Variants in CCL28 observed in about 807,000 individuals in gnomAD.
CCL28 encodes the protein C-C motif chemokine 28.
In CCL28, 4 loss-of-function variants were observed where a neutral mutation model predicts 7.1. The ratio of observed to expected loss-of-function variants is 0.56; its 90% CI spans 0.28 to 1.29. The LOEUF is 1.29. Ranked by LOEUF, CCL28 falls within the 50% of genes most tolerant of loss-of-function variation. The pLI, the probability that CCL28 is intolerant of heterozygous loss-of-function variation, is 0.11. For synonymous variants in CCL28, 55 were observed against 57.8 expected, an observed-to-expected ratio of 0.95 and a Z score of 0.22; for missense variants, 151 against 163.4, an observed-to-expected ratio of 0.92 and a Z score of 0.41.
At chr5:43,370,044 C>A in the CCL28 span, among the ~76,000 whole-genome samples, 2 of 152,182 alleles carry the variant, frequency 1.3e-5, no homozygotes, top group Non-Finnish European at 2.9e-5. Context: ...CTGTCATCCC[C>A]ACAAAGTGCT....
intron 1 of CCL28, among the ~76,000 whole-genome samples, chr5:43,399,262 A>C (rs1332867902): frequency 5.3e-5 from 8 of 152,156 alleles, no homozygotes; most frequent in Non-Finnish European, 2.9e-5. Flanking sequence ...AACACTTTTC[A>C]GATCTGTCTC....
At chr5:43,386,049 A>ACAAGCTT (rs964131276) in intron 2 of CCL28, among the ~76,000 whole-genome samples, 2 of 152,146 alleles carry the variant, frequency 1.3e-5, no homozygotes, top group African/African-American at 4.8e-5. Flanking sequence ...TGGAGCCCTT[A>ACAAGCTT]CAAGCTTCAA....
At chr5:43,376,673 G>T (rs1408091712), downstream of CCL28, 1 of 152,242 alleles carries the variant, frequency 6.6e-6, no homozygotes, top group East Asian at 1.9e-4. Flanking sequence ...ATGATTACAT[G>T]GTGCTGAGTC....
chr5:43,366,922 T>C, the CCL28 span, among the ~76,000 whole-genome samples: 1 of 149,916 alleles, frequency 6.7e-6, no homozygotes, highest in African/African-American at 2.4e-5. Context: ...CAGTTCGAAC[T>C]TCCCAGTGGC....
At chr5:43,398,889 T>C (rs1015507314) in intron 1 of CCL28, among the ~76,000 whole-genome samples, 4 of 152,194 alleles carry the variant, frequency 2.6e-5, no homozygotes, top group African/African-American at 9.7e-5. Flanking sequence ...GCCTCTTGAA[T>C]GCGTCCTCCT....
chr5:43,371,580 T>C, the CCL28 span, among the ~76,000 whole-genome samples: 3 of 152,360 alleles, frequency 2.0e-5, no homozygotes, highest in Admixed American at 6.5e-5. Context: ...GGCCTCCTTC[T>C]AACAACATGT....
intron 1 of CCL28, among the ~76,000 whole-genome samples, chr5:43,393,162 C>A (rs1474469180): frequency 2.0e-5 from 3 of 152,048 alleles, no homozygotes; most frequent in Non-Finnish European, 4.4e-5. Context: ...CCACTTCCCC[C>A]TTTATTCCAT....
chr5:43,358,222 G>T, the CCL28 span, among the ~76,000 whole-genome samples: 1 of 152,154 alleles, frequency 6.6e-6, no homozygotes, highest in African/African-American at 2.4e-5. Context: ...AAATTTAGTT[G>T]AAATATCTTA....
At chr5:43,372,031 CTCT>C (rs1739794190), downstream of CCL28, among the ~76,000 whole-genome samples, 1 of 152,078 alleles carries the variant, frequency 6.6e-6, no homozygotes, top group Non-Finnish European at 1.5e-5. Context: ...AGGTGCCAGG[CTCT>C]TTTTTTAACA....
chr5:43,405,862 T>G (rs1411710052), intron 1 of CCL28, among the ~76,000 whole-genome samples: 2 of 152,088 alleles, frequency 1.3e-5, no homozygotes, highest in Admixed American at 6.6e-5. Context: ...GAGAATACTA[T>G]AAACACCTCT....
At chr5:43,405,397 C>CT (rs1237572099) in intron 1 of CCL28, among the ~76,000 whole-genome samples, 1 of 152,210 alleles carries the variant, frequency 6.6e-6, no homozygotes, top group Non-Finnish European at 1.5e-5. Flanking sequence ...TGAATGACTA[C>CT]TGGGTACATA....
At chr5:43,379,056 G>C (rs1333586057), downstream of CCL28, 3 of 152,134 alleles carry the variant, frequency 2.0e-5, no homozygotes, top group Admixed American at 6.6e-5. Context: ...AGAAAAATCA[G>C]TTTTTAAAAT....
At chr5:43,366,748 C>T in the CCL28 span, among the ~76,000 whole-genome samples, 1 of 152,220 alleles carries the variant, frequency 6.6e-6, no homozygotes, top group Non-Finnish European at 1.5e-5. Context: ...GCACCCACAG[C>T]AGCCCCTTCC....
intron 1 of CCL28, among the ~76,000 whole-genome samples, chr5:43,396,777 G>A (rs988644134): frequency 1.3e-5 from 2 of 152,128 alleles, no homozygotes; most frequent in African/African-American, 4.8e-5. Flanking sequence ...AAGAAAGAAA[G>A]AACGAAAAAA....
chr5:43,412,245 CCA>C lies in CCL28; in HGVS notation c.64+6_64+7del. Reference sequence around the variant, plus strand: ...GTGAAGGCCTAAGTGTCCAGTGCCCCCACTCACCTTCTGAGGCATGTAGGGCC... The same window carrying C: ...GTGAAGGCCTAAGTGTCCAGTGCCCCCTCACCTTCTGAGGCATGTAGGGCC... On this transcript the variant is annotated splice_donor_region_variant and intron_variant, in intron 1 of 2. Transcript: ENST00000361115. 1 of 1,609,558 alleles carries C rather than the reference CCA, an allele frequency of 6.2e-7. No individual in the cohort carries two copies. The highest frequency in any genetic ancestry group is 1.3e-5 in the African/African-American group (1 of 74,994).
At chr5:43,384,049 C>A in intron 2 of CCL28, 1 of 164,120 alleles carries the variant, frequency 6.1e-6, no homozygotes, top group Admixed American at 6.3e-5. Flanking sequence ...GAGATCATGT[C>A]ACTGCACTCC....
chr5:43,372,564 T>C (rs1362182823), downstream of CCL28, among the ~76,000 whole-genome samples: 1 of 151,984 alleles, frequency 6.6e-6, no homozygotes, highest in Non-Finnish European at 1.5e-5. Flanking sequence ...AGATGGGGTT[T>C]CTCCATGTTG....
In CCL28 at chr5:43,412,273, G is replaced by A. The variant is rs774567128; in HGVS notation, c.44C>T (p.Ala15Val). 23 of 1,611,986 alleles carry A rather than the reference G, an allele frequency of 1.4e-5. No individual in the cohort carries two copies. Among genetic ancestry groups the A allele is most frequent in the Admixed American group, 3.3e-5 (2 of 59,906 alleles). The change falls in exon 1 of 3, where the codon GCG becomes GTG. Residue 15 changes from alanine (A) to valine (V), a missense_variant. Physicochemically the swap from Ala to Val is moderately conservative, Grantham distance 64. Transcript: ENST00000361115. The stretch of plus-strand genomic sequence containing the variant: ...CTCACCTTCTGAGGCATGTAGGGCC[G>A]CACAGACAGCCAAGGCCACGATGGC... ...GLAIVALAVC[A>V]ALHASEAILP...
chr5:43,388,176 A>G (rs1189067487), intron 2 of CCL28, 174 bp downstream of exon 2: 4 of 684,456 alleles, frequency 5.8e-6, no homozygotes, highest in African/African-American at 1.8e-5. Flanking sequence ...CAGAGAGACT[A>G]TGAATTTACT....
Sources: gnomAD v4.1 joint callset for allele counts (sites outside exome capture counted in the v4.1 genomes callset) on GRCh38, gnomAD v4.1.1 for gene constraint, MANE v1.5 for transcripts, NCBI Gene and HGNC (gene_info 2026-07-23, HGNC 2026-07-21) for gene names.